RNF152: variants seen among roughly 807,000 people sequenced by gnomAD.
RNF152 encodes the protein ring finger protein 152.
RNF152 carries 11 observed loss-of-function variants against 12.7 expected under a neutral mutation model. That is an observed-to-expected ratio of 0.86 (90% CI 0.54 to 1.43). The LOEUF is 1.43. RNF152 is among the 40% of genes most tolerant of loss of function. The pLI, the probability that RNF152 is intolerant of heterozygous loss-of-function variation, is 0.00. For missense variants in RNF152, 255 were observed against 274.8 expected (o/e 0.93, Z 0.51); for synonymous variants, 113 against 120.3 (o/e 0.94, Z 0.40).
chr18:61,825,098 G>A (rs1909596097), intron 1 of RNF152, among the ~76,000 whole-genome samples: 1 of 152,196 alleles, frequency 6.6e-6, no homozygotes. Context: ...ACCAGCTGCT[G>A]AACAGCTACA....
intron 1 of RNF152, among the ~76,000 whole-genome samples, chr18:61,846,159 T>C (rs1296666322): frequency 1.3e-5 from 2 of 152,188 alleles, no homozygotes; most frequent in Non-Finnish European, 1.5e-5. Context: ...TATGGTATTA[T>C]ATTATAGCAC....
In RNF152 at chr18:61,810,366, C is replaced by G. The variant is rs925615167; in HGVS notation, c.*5486G>C. The G allele has an allele frequency of 6.6e-6, 1 of 152,178 alleles. No homozygotes were observed. Among genetic ancestry groups the G allele is most frequent in the African/African-American group, 2.4e-5 (1 of 41,418 alleles). The allele number at this position is 152,178 out of a possible 1,614,324, so 9.4% of individuals were successfully genotyped here. On this transcript the variant is annotated 3_prime_UTR_variant, in exon 2 of 2. Coordinates refer to ENST00000312828, the MANE Select transcript of RNF152 (RefSeq NM_173557.3). ...ATCTTTTAGAAGTGTTTCATGTTGG[C>G]TGGGTGCAGTGGCCCATGCCTGTAA...
intron 1 of RNF152, among the ~76,000 whole-genome samples, chr18:61,866,901 C>CA (rs76513840): frequency 0.084 from 12,783 of 151,856 alleles, 645 homozygotes; most frequent in South Asian, 0.2. Context: ...CAAAACAACA[C>CA]AAAAAAAACA....
chr18:61,864,205 G>GT (rs1258702884), intron 1 of RNF152, among the ~76,000 whole-genome samples: 1 of 152,096 alleles, frequency 6.6e-6, no homozygotes, highest in Admixed American at 6.5e-5. Flanking sequence ...AGCCCCACAA[G>GT]TCTGCCCCCA....
chr18:61,828,227 G>A (rs1002009031), intron 1 of RNF152, among the ~76,000 whole-genome samples: 1 of 146,340 alleles, frequency 6.8e-6, no homozygotes, highest in African/African-American at 2.4e-5. Context: ...GAGAATTTGA[G>A]TTTGCGTTTT....
At chr18:61,861,228 C>A (rs1378425333) in intron 1 of RNF152, among the ~76,000 whole-genome samples, 1 of 152,222 alleles carries the variant, frequency 6.6e-6, no homozygotes, top group Non-Finnish European at 1.5e-5. Flanking sequence ...TCACTCAGAG[C>A]AACTTCCAGT....
intron 1 of RNF152, among the ~76,000 whole-genome samples, chr18:61,850,714 C>T (rs1260828811): frequency 6.6e-6 from 1 of 152,018 alleles, no homozygotes; most frequent in Non-Finnish European, 1.5e-5. Flanking sequence ...TGAATGCTAC[C>T]CTAAAAACAG....
chr18:61,861,722 T>C (rs1195359653), intron 1 of RNF152, among the ~76,000 whole-genome samples: 3 of 152,146 alleles, frequency 2.0e-5, no homozygotes, highest in Non-Finnish European at 4.4e-5. Context: ...CTTCCACTTA[T>C]GGCAGCAGGT....
At chr18:61,860,253 C>T (rs1763443922) in intron 1 of RNF152, among the ~76,000 whole-genome samples, 2 of 152,148 alleles carry the variant, frequency 1.3e-5, no homozygotes, top group African/African-American at 4.8e-5. Context: ...TTGAAGCCAC[C>T]TACTTGGTTA....
upstream of RNF152, chr18:61,893,601 C>G (rs2082502971): frequency 6.6e-6 from 1 of 152,480 alleles, no homozygotes; most frequent in Non-Finnish European, 1.5e-5. Flanking sequence ...ACAAAAGACC[C>G]CCAACATCTG....
At chr18:61,861,388 G>A (rs977799097) in intron 1 of RNF152, among the ~76,000 whole-genome samples, 30 of 152,256 alleles carry the variant, frequency 2.0e-4, no homozygotes, top group Admixed American at 1.0e-3. Context: ...ATAATAATAT[G>A]CTGTACAGGT....
chr18:61,857,373 C>T (rs1056826149), intron 1 of RNF152, among the ~76,000 whole-genome samples: 7 of 152,164 alleles, frequency 4.6e-5, no homozygotes, highest in Non-Finnish European at 1.0e-4. Context: ...GAAACTGAAA[C>T]AATTTTTATA....
chr18:61,854,943 C>A (rs560523836), intron 1 of RNF152, among the ~76,000 whole-genome samples: 1 of 152,340 alleles, frequency 6.6e-6, no homozygotes, highest in South Asian at 2.1e-4. Flanking sequence ...ACAGATAACT[C>A]ACAGACTGTC....
In RNF152 at chr18:61,808,843, C is replaced by T. The variant is rs1306672839; in HGVS notation, c.*7009G>A. 1 of 152,244 alleles carries T rather than the reference C, an allele frequency of 6.6e-6. No homozygotes were observed. Among genetic ancestry groups the T allele is most frequent in the Non-Finnish European group, 1.5e-5 (1 of 68,080 alleles). The allele number at this position is 152,244 out of a possible 1,614,324, so 9.4% of individuals were successfully genotyped here. ...CTGTCTGCACTGACGTGGCAACCAA[C>T]TCTAGAGCGGACTCTGAAATTGCCT... On this transcript the variant is annotated 3_prime_UTR_variant, in exon 2 of 2. Coordinates refer to ENST00000312828, the MANE Select transcript of RNF152 (RefSeq NM_173557.3).
chr18:61,843,216 A>G lies in RNF152; in HGVS notation c.-135-26618T>C, dbSNP rs532209874. ...AAACTATTTTCTTTTCAACTCGTGC[A>G]CACCCTACAGAAAAGCCATCTCTCA... On this transcript the variant is annotated intron_variant, in intron 1 of 1. Transcript: ENST00000312828. 7.2e-5 allele frequency among the ~76,000 whole-genome samples: 11 copies of G among 152,304 alleles called. No homozygotes were observed. The East Asian group carries it at 2.1e-3, about 30-fold the overall frequency.
Position 61,816,065 on chromosome 18 carries a change from C to T in RNF152, c.399G>A (p.Val133=), listed in dbSNP as rs1568259223. Residue 133 remains valine (V), a synonymous_variant, in exon 2 of 2, where the codon GTG becomes GTA. Transcript: ENST00000312828. ...GAGGCTGCTGTTCAGCAGGGATGGT[C>T]ACCACGGTGACGGACTTCTGCTGGC... The part of the protein sequence containing the change: ...PGSQQKSVTV[V]TIPAEQQPLQ... 1 of 1,614,230 alleles carries T rather than the reference C, an allele frequency of 6.2e-7. No homozygotes were observed. Among genetic ancestry groups the T allele is most frequent in the Non-Finnish European group, 8.5e-7 (1 of 1,180,054 alleles).
rs1908908705 is a variant in RNF152, at chr18:61,813,328, G to T, written c.*2524C>A. On this transcript the variant is annotated 3_prime_UTR_variant, in exon 2 of 2. Coordinates refer to ENST00000312828, the MANE Select transcript of RNF152 (RefSeq NM_173557.3). ...CACACACACACACATACACAAGAAT[G>T]CACACCCCAACAAACAGGTACACAA... 7.2e-6 allele frequency: 1 copy of T among 138,580 alleles called. No individual in the cohort carries two copies. The highest frequency in any genetic ancestry group is 7.2e-5 in the Admixed American group (1 of 13,898). The allele number at this position is 138,580 out of a possible 1,614,324, so 8.6% of individuals were successfully genotyped here.
chr18:61,877,929 C>T (rs1424191955), intron 1 of RNF152, among the ~76,000 whole-genome samples: 2 of 152,196 alleles, frequency 1.3e-5, no homozygotes, highest in African/African-American at 2.4e-5. Flanking sequence ...CTCTTCTTCA[C>T]AGTGTATTCC....
rs570664059 is a variant in RNF152, at chr18:61,811,274, A to G, written c.*4578T>C. ...TCTTAAAATCAAAATCTAGACTGGA[A>G]TAAATACCAGATTATCAGTAAGAAT... is the stretch of plus-strand genomic sequence containing the variant. On this transcript the variant is annotated 3_prime_UTR_variant, in exon 2 of 2. Transcript: ENST00000312828. 3.9e-5 allele frequency: 6 copies of G among 152,346 alleles called. No individual in the cohort carries two copies. The highest frequency in any genetic ancestry group is 7.3e-5 in the Non-Finnish European group (5 of 68,028). 9.4% of individuals were successfully genotyped at this position (152,346 alleles called of 1,614,324 possible).
Sources: allele counts gnomAD v4.1 joint callset (sites outside exome capture counted in the v4.1 genomes callset), GRCh38; gene constraint gnomAD v4.1.1; transcripts MANE v1.5; gene names NCBI Gene and HGNC (gene_info 2026-07-23, HGNC 2026-07-21).